UBR3: variants seen among roughly 807,000 people sequenced by gnomAD.
The protein encoded by UBR3 is ubiquitin protein ligase E3 component n-recognin 3, also known as E3 ubiquitin-protein ligase UBR3.
A neutral mutation model predicts 243.2 loss-of-function variants in UBR3; 85 were observed. That is an observed-to-expected ratio of 0.35 (90% CI 0.29 to 0.42). The LOEUF (loss-of-function observed/expected upper bound fraction) is 0.42. Ranked by LOEUF, UBR3 falls within the 10% of genes least tolerant of loss-of-function variation. The pLI is 1.00. For missense variants in UBR3, 1,686 were observed against 2,300.8 expected (o/e 0.73, Z 5.47); for synonymous variants, 748 against 799.8 (o/e 0.94, Z 1.09).
chr2:169,898,594 T>G (rs966831493), intron 8 of UBR3, among the ~76,000 whole-genome samples: 14 of 152,108 alleles, frequency 9.2e-5, no homozygotes, highest in Admixed American at 2.6e-4. Flanking sequence ...TTACCTACTT[T>G]GTGAGTCTGC....
intron 7 of UBR3, 25 bp downstream of exon 7, chr2:169,895,336 C>T (rs1291394241): frequency 6.6e-7 from 1 of 1,517,972 alleles, no homozygotes; most frequent in East Asian, 2.5e-5. Context: ...TCCTGCTTTT[C>T]TGAACTTAGC....
At chr2:169,893,466 G>T (rs1196606987) in intron 6 of UBR3, among the ~76,000 whole-genome samples, 2 of 152,156 alleles carry the variant, frequency 1.3e-5, no homozygotes, top group African/African-American at 4.8e-5. Flanking sequence ...ACCAATGAGA[G>T]CTTTCATTTT....
intron 1 of UBR3, among the ~76,000 whole-genome samples, chr2:169,852,850 C>CAAAAAAAA (rs869283640): frequency 0.012 from 565 of 48,276 alleles, 2 homozygotes; most frequent in East Asian, 0.024. Flanking sequence ...GACTTCATCT[C>CAAAAAAAA]AAAAAAAAAA....
intron 19 of UBR3, 80 bp downstream of exon 19, chr2:169,933,088 T>G (rs1472083140): frequency 1.8e-5 from 16 of 910,478 alleles, no homozygotes; most frequent in Non-Finnish European, 2.6e-5. Flanking sequence ...ACAGATATGA[T>G]ATGCTCTCAT....
At chr2:170,064,288 G>A (rs915000827) in intron 35 of UBR3, among the ~76,000 whole-genome samples, 3 of 151,954 alleles carry the variant, frequency 2.0e-5, no homozygotes, top group Non-Finnish European at 4.4e-5. Context: ...AAATTTTTCA[G>A]TTTAATGTTG....
chr2:169,827,556 C>T lies in UBR3; in HGVS notation c.49C>T (p.Pro17Ser). 4.0e-6 allele frequency: 5 copies of T among 1,235,126 alleles called. No individual in the cohort carries two copies. Among genetic ancestry groups the T allele is most frequent in the Non-Finnish European group, 5.0e-6 (5 of 991,882 alleles). The allele number at this position is 1,235,126 out of a possible 1,614,324, so 76.5% of individuals were successfully genotyped here. A position where few individuals can be genotyped will look rare whatever the true frequency, so the allele number is the denominator to read the frequency against. The change falls in exon 1 of 39, where the codon CCC becomes TCC. Residue 17 changes from proline to serine, a missense_variant. By Grantham distance (74) the Pro-to-Ser change is moderately conservative. Transcript: ENST00000272793. ...AAVGGQQPSQ[P>S]ELPAPGLALD... ...CGTCGGGGGCCAGCAGCCGTCACAG[C>T]CCGAGCTGCCCGCGCCGGGGCTGGC...
At chr2:170,050,906 G>C (rs886102460) in intron 32 of UBR3, among the ~76,000 whole-genome samples, 1 of 152,162 alleles carries the variant, frequency 6.6e-6, no homozygotes, top group Non-Finnish European at 1.5e-5. Flanking sequence ...TGGGAGATTG[G>C]TTCCACGACC....
intron 10 of UBR3, among the ~76,000 whole-genome samples, chr2:169,908,179 T>G (rs2085093760): frequency 6.6e-6 from 1 of 152,228 alleles, no homozygotes; most frequent in South Asian, 2.1e-4. Flanking sequence ...TTTTGTTGGC[T>G]CAGAGTTTTT....
At chr2:169,994,919 A>G (rs540646698) in intron 26 of UBR3, among the ~76,000 whole-genome samples, 9 of 152,214 alleles carry the variant, frequency 5.9e-5, no homozygotes, top group African/African-American at 2.2e-4. Context: ...TTGTCCTGGT[A>G]TGAGTCAGTA....
chr2:169,843,812 G>A (rs1036635542), intron 1 of UBR3, among the ~76,000 whole-genome samples: 1 of 152,142 alleles, frequency 6.6e-6, no homozygotes, highest in Non-Finnish European at 1.5e-5. Flanking sequence ...TCATAAATGA[G>A]TTGGGAAGGG....
chr2:169,927,434 A>G, intron 17 of UBR3, 29 bp downstream of exon 17: 3 of 1,446,148 alleles, frequency 2.1e-6, no homozygotes, highest in Non-Finnish European at 2.8e-6. Context: ...ACTTTCTGTT[A>G]GTTGCAGGAT....
chr2:169,982,769 ATTAG>A (rs541546414), intron 24 of UBR3, among the ~76,000 whole-genome samples: 246 of 150,060 alleles, frequency 1.6e-3, no homozygotes, highest in Non-Finnish European at 2.6e-3. Context: ...GAATTATTAT[ATTAG>A]TTAGCAATTG....
intron 27 of UBR3, among the ~76,000 whole-genome samples, chr2:170,001,806 G>C (rs1009184330): frequency 6.6e-6 from 1 of 150,402 alleles, no homozygotes; most frequent in African/African-American, 2.4e-5. Context: ...CCAGCTACTT[G>C]GGAGGCTGAG....
chr2:169,925,363 CA>C (rs1347054900), intron 13 of UBR3, among the ~76,000 whole-genome samples: 8 of 152,012 alleles, frequency 5.3e-5, no homozygotes, highest in Non-Finnish European at 1.2e-4. Context: ...CAGTGAAAAT[CA>C]TCATAAATGT....
At chr2:170,001,238 A>G (rs993607868) in intron 26 of UBR3, 66 bp from the exon 27 acceptor site, 3 of 1,129,070 alleles carry the variant, frequency 2.7e-6, no homozygotes, top group Non-Finnish European at 3.9e-6. Flanking sequence ...ATGTGGACAT[A>G]CTAATATTTA....
At chr2:169,921,626 T>C (rs1225025906) in intron 11 of UBR3, among the ~76,000 whole-genome samples, 2 of 152,222 alleles carry the variant, frequency 1.3e-5, no homozygotes, top group Non-Finnish European at 2.9e-5. Context: ...ATTCCTACTT[T>C]AAGGATCAGA....
intron 31 of UBR3, among the ~76,000 whole-genome samples, chr2:170,029,708 TA>T (rs1224682752): frequency 2.0e-5 from 3 of 152,192 alleles, no homozygotes; most frequent in Non-Finnish European, 4.4e-5. Flanking sequence ...TGGAGGCATG[TA>T]ATGGCTGGTT....
intron 35 of UBR3, 65 bp from the exon 36 acceptor site, chr2:170,073,363 C>G (rs1034875596): frequency 6.3e-6 from 10 of 1,585,290 alleles, no homozygotes; most frequent in Non-Finnish European, 8.6e-6. Flanking sequence ...TGAGGGTGAC[C>G]TTTTATGTAA....
intron 18 of UBR3, 73 bp from the exon 19 acceptor site, chr2:169,932,839 C>T (rs568713060): frequency 8.1e-7 from 1 of 1,242,086 alleles, no homozygotes; most frequent in African/African-American, 1.5e-5. Flanking sequence ...ATATACTTAA[C>T]AAATGTAATA....
Sources: gnomAD v4.1 joint callset for allele counts (sites outside exome capture counted in the v4.1 genomes callset) on GRCh38, gnomAD v4.1.1 for gene constraint, MANE v1.5 for transcripts, NCBI Gene and HGNC (gene_info 2026-07-23, HGNC 2026-07-21) for gene names.